The following WDPCP variants were observed in gnomAD, a reference collection of about 807,000 sequenced individuals.
The protein encoded by WDPCP is WD repeat containing planar cell polarity effector.
Under a neutral mutation model 93.1 loss-of-function variants are expected in WDPCP, and 71 were observed. The observed-to-expected ratio is 0.76, with a 90% confidence interval of 0.63 to 0.93. WDPCP has a LOEUF of 0.93. Among genes scored for constraint, WDPCP ranks in the 40% least tolerant of loss-of-function variants. WDPCP has a pLI of 0.00. For synonymous variants in WDPCP, 315 were observed against 315.0 expected, an observed-to-expected ratio of 1.00 and a Z score of 0.00; for missense variants, 844 against 887.4, an observed-to-expected ratio of 0.95 and a Z score of 0.62.
chr2:63,770,183 C>T (rs1347101643), intron 2 of WDPCP, among the ~76,000 whole-genome samples: 2 of 151,922 alleles, frequency 1.3e-5, no homozygotes, highest in Non-Finnish European at 2.9e-5. Context: ...ATATTGGAAA[C>T]TTTTTGAGCT....
At chr2:63,532,055 C>A (rs1052474995) in intron 1 of WDPCP, among the ~76,000 whole-genome samples, 1 of 152,098 alleles carries the variant, frequency 6.6e-6, no homozygotes, top group Non-Finnish European at 1.5e-5. Flanking sequence ...ACGAGAACTA[C>A]GTGACGCATG....
intron 2 of WDPCP, among the ~76,000 whole-genome samples, chr2:63,683,578 C>T (rs186871020): frequency 1.8e-4 from 27 of 152,192 alleles, no homozygotes; most frequent in African/African-American, 4.3e-4. Flanking sequence ...AAGGGCTGGG[C>T]GCAGTGGCTC....
chr2:63,152,960 T>G lies in WDPCP; in HGVS notation c.2159-15A>C, dbSNP rs772187445. 2 of 1,610,952 alleles carry G rather than the reference T, an allele frequency of 1.2e-6. No individual in the cohort carries two copies. The highest frequency in any genetic ancestry group is 2.7e-5 in the African/African-American group (2 of 74,844). Reference sequence around the variant, plus strand: ...CAGTTCTCCGTCTAAAGTAAAAGATTAAAACATTAATTATCTTAAAAGTCT... The same window carrying G: ...CAGTTCTCCGTCTAAAGTAAAAGATGAAAACATTAATTATCTTAAAAGTCT... On this transcript the variant is annotated splice_polypyrimidine_tract_variant and intron_variant, in intron 16 of 17. Coordinates refer to ENST00000272321, the MANE Select transcript of WDPCP (RefSeq NM_015910.7).
intron 1 of WDPCP, among the ~76,000 whole-genome samples, chr2:63,575,015 C>T (rs1375781214): frequency 1.3e-5 from 2 of 151,910 alleles, no homozygotes. Flanking sequence ...TGATCATATT[C>T]ACTTTTTAAC....
intron 2 of WDPCP, among the ~76,000 whole-genome samples, chr2:63,685,427 C>G (rs1668791453): frequency 6.6e-6 from 1 of 152,098 alleles, no homozygotes; most frequent in South Asian, 2.1e-4. Flanking sequence ...CCTGAACAGA[C>G]CAATAACAAG....
At chr2:63,384,701 A>C (rs1470758936) in intron 10 of WDPCP, among the ~76,000 whole-genome samples, 10 of 152,008 alleles carry the variant, frequency 6.6e-5, no homozygotes, top group Non-Finnish European at 1.5e-4. Context: ...AACCTGGGCA[A>C]GACAGCAAGA....
intron 2 of WDPCP, among the ~76,000 whole-genome samples, chr2:63,795,684 A>C (rs1018957940): frequency 2.0e-5 from 3 of 152,138 alleles, no homozygotes; most frequent in Non-Finnish European, 4.4e-5. Context: ...AACCCATAGT[A>C]AAGAAGGAAA....
At chr2:63,604,268 A>G (rs916690035) in intron 3 of WDPCP, among the ~76,000 whole-genome samples, 1 of 152,244 alleles carries the variant, frequency 6.6e-6, no homozygotes, top group Non-Finnish European at 1.5e-5. Context: ...TTACCTAAAT[A>G]TAAAGTGCCT....
At chr2:63,434,707 G>A (rs1481953278) in intron 8 of WDPCP, among the ~76,000 whole-genome samples, 1 of 152,040 alleles carries the variant, frequency 6.6e-6, no homozygotes, top group Non-Finnish European at 1.5e-5. Flanking sequence ...ACCACTTTCT[G>A]GGGATTAAGC....
At chr2:63,638,325 T>A (rs112909754) in intron 3 of WDPCP, among the ~76,000 whole-genome samples, 2 of 149,542 alleles carry the variant, frequency 1.3e-5, no homozygotes, top group African/African-American at 2.6e-5. Context: ...TCTCTCTCTC[T>A]CACATACACA....
Position 63,764,058 on chromosome 2 carries a change from T to G in WDPCP, n.308+49564A>C, listed in dbSNP as rs569434991. 6.6e-5 allele frequency among the ~76,000 whole-genome samples: 10 copies of G among 152,328 alleles called. No individual in the cohort carries two copies. In the South Asian group the frequency reaches 2.1e-3, roughly 32 times the overall value. On this transcript the variant is annotated intron_variant and non_coding_transcript_variant, in intron 2 of 4. Transcript: ENST00000467687. ...ACTTTTTATTGAGGTAAAATTCACA[T>G]AAGATAAAGTTATTTTGAAGTGTGC...
chr2:63,351,582 C>T (rs997748864), intron 12 of WDPCP, among the ~76,000 whole-genome samples: 3 of 152,152 alleles, frequency 2.0e-5, no homozygotes, highest in Admixed American at 6.5e-5. Context: ...GCTGCATCCA[C>T]ACTGCTACAA....
chr2:63,466,080 A>T (rs1699330426), intron 6 of WDPCP, among the ~76,000 whole-genome samples: 1 of 152,154 alleles, frequency 6.6e-6, no homozygotes, highest in South Asian at 2.1e-4. Context: ...TGGGAGAAGG[A>T]TGAACACAAA....
chr2:63,834,772 TTGGC>T, the WDPCP span, among the ~76,000 whole-genome samples: 1 of 152,224 alleles, frequency 6.6e-6, no homozygotes, highest in Non-Finnish European at 1.5e-5. Flanking sequence ...ACCTACCTCC[TTGGC>T]TGTGCTCAGC....
At chr2:63,463,539 A>G (rs945664324) in intron 6 of WDPCP, among the ~76,000 whole-genome samples, 1 of 152,226 alleles carries the variant, frequency 6.6e-6, no homozygotes, top group African/African-American at 2.4e-5. Flanking sequence ...AGTCAAAACC[A>G]TTTTGAAAAA....
At chr2:63,641,453 C>A (rs905675063) in intron 3 of WDPCP, among the ~76,000 whole-genome samples, 1 of 152,110 alleles carries the variant, frequency 6.6e-6, no homozygotes, top group African/African-American at 2.4e-5. Context: ...GCCAGCATTT[C>A]TTATTGCCTG....
At chr2:63,390,969 G>C (rs1308626916) in intron 10 of WDPCP, among the ~76,000 whole-genome samples, 5 of 152,156 alleles carry the variant, frequency 3.3e-5, no homozygotes, top group East Asian at 1.9e-4. Context: ...GTACAAAGAG[G>C]AGTTGGTACC....
intron 17 of WDPCP, among the ~76,000 whole-genome samples, chr2:63,131,059 T>C (rs979726183): frequency 2.0e-5 from 3 of 152,316 alleles, no homozygotes; most frequent in South Asian, 2.1e-4. Context: ...TTCCATCCTT[T>C]CCATTTCAGC....
chr2:63,708,655 C>G (rs1669209385), intron 2 of WDPCP, among the ~76,000 whole-genome samples: 2 of 152,118 alleles, frequency 1.3e-5, no homozygotes, highest in African/African-American at 4.8e-5. Flanking sequence ...GTCCGGCACT[C>G]CCCAGTGAGA....
Sources: allele counts gnomAD v4.1 joint callset (sites outside exome capture counted in the v4.1 genomes callset), GRCh38; gene constraint gnomAD v4.1.1; transcripts MANE v1.5; gene names NCBI Gene and HGNC (gene_info 2026-07-23, HGNC 2026-07-21).